The following PPP1R9A variants were observed in gnomAD, a reference collection of about 807,000 sequenced individuals.
PPP1R9A encodes neurabin-1.
Under a neutral mutation model 141.9 loss-of-function variants are expected in PPP1R9A, and 59 were observed. The ratio of observed to expected loss-of-function variants is 0.42; its 90% CI spans 0.34 to 0.52. The LOEUF is 0.52. PPP1R9A is among the 20% of genes least tolerant of loss of function. The pLI is 0.10. For missense variants in PPP1R9A, 1,444 were observed against 1,611.9 expected (o/e 0.90, Z 1.78); for synonymous variants, 500 against 569.7 (o/e 0.88, Z 1.74).
At chr7:94,944,454 C>T (rs541362156) in intron 2 of PPP1R9A, among the ~76,000 whole-genome samples, 2 of 139,824 alleles carry the variant, frequency 1.4e-5, no homozygotes, top group Non-Finnish European at 3.0e-5. Flanking sequence ...CACCCCCCCA[C>T]CCCCCGATTA....
intron 2 of PPP1R9A, among the ~76,000 whole-genome samples, chr7:95,073,624 GTTTTTTT>G (rs36077129): frequency 1.3e-3 from 139 of 105,552 alleles, no homozygotes; most frequent in South Asian, 3.4e-3. Flanking sequence ...AAAGAAATAA[GTTTTTTT>G]TTTTTTTTTT....
intron 7 of PPP1R9A, among the ~76,000 whole-genome samples, chr7:95,217,656 T>C (rs1018887970): frequency 5.3e-5 from 8 of 152,186 alleles, no homozygotes; most frequent in African/African-American, 1.9e-4. Context: ...GAGCCTGTTA[T>C]TGGTATATTC....
At chr7:94,975,367 T>G (rs397832787) in intron 2 of PPP1R9A, among the ~76,000 whole-genome samples, 1,862 of 48,788 alleles carry the variant, frequency 0.038, 23 homozygotes, top group African/African-American at 0.11. Flanking sequence ...TTTTTTTTTT[T>G]TTTTTTTTTT....
rs1324511700 is a variant in PPP1R9A, at chr7:95,295,498, C to T, written c.*5195C>T. On this transcript the variant is annotated 3_prime_UTR_variant, in exon 20 of 20. Transcript: ENST00000433360. ...GAATTTGCTCACAATTCTAAAATGA[C>T]ATAATTGGTGGCTGTGATGCTTACA... The T allele has an allele frequency of 1.3e-5, 2 of 152,230 alleles. No individual in the cohort carries two copies. Among genetic ancestry groups the T allele is most frequent in the East Asian group, 3.9e-4 (2 of 5,194 alleles). The allele number at this position is 152,230 out of a possible 1,614,324, so 9.4% of individuals were successfully genotyped here. A position where few individuals can be genotyped will look rare whatever the true frequency, so the allele number is the denominator to read the frequency against.
intron 2 of PPP1R9A, among the ~76,000 whole-genome samples, chr7:95,072,853 TAA>T (rs1814157255): frequency 1.1e-5 from 1 of 92,888 alleles, no homozygotes; most frequent in South Asian, 2.8e-4. Context: ...ATATATAATA[TAA>T]GTTATATAAT....
chr7:95,027,466 C>T (rs1390294859), intron 2 of PPP1R9A, among the ~76,000 whole-genome samples: 1 of 152,166 alleles, frequency 6.6e-6, no homozygotes, highest in Non-Finnish European at 1.5e-5. Flanking sequence ...GTTGGAAATG[C>T]AGAAATCACC....
At chr7:94,924,125 T>C (rs1793165330) in intron 2 of PPP1R9A, among the ~76,000 whole-genome samples, 1 of 152,220 alleles carries the variant, frequency 6.6e-6, no homozygotes, top group African/African-American at 2.4e-5. Flanking sequence ...ATGTAAAATT[T>C]TGACTCTTTT....
intron 2 of PPP1R9A, among the ~76,000 whole-genome samples, chr7:94,923,663 A>T (rs1378200046): frequency 6.6e-6 from 1 of 152,178 alleles, no homozygotes; most frequent in African/African-American, 2.4e-5. Flanking sequence ...GTTAGACTAT[A>T]TGGTAGTATG....
At chr7:95,167,855 C>T (rs1449305139) in intron 5 of PPP1R9A, among the ~76,000 whole-genome samples, 2 of 151,572 alleles carry the variant, frequency 1.3e-5, no homozygotes, top group Non-Finnish European at 2.9e-5. Flanking sequence ...AGATGAAAGA[C>T]CTTCACAAGG....
At chr7:95,111,533 T>G in intron 3 of PPP1R9A, 142 bp downstream of exon 3, 1 of 903,412 alleles carries the variant, frequency 1.1e-6, no homozygotes, top group East Asian at 2.7e-5. Flanking sequence ...GTTTCAAAAA[T>G]AGTTGATATG....
chr7:94,992,131 T>C (rs1476071508), intron 2 of PPP1R9A, among the ~76,000 whole-genome samples: 1 of 152,242 alleles, frequency 6.6e-6, no homozygotes, highest in Non-Finnish European at 1.5e-5. Flanking sequence ...AAGTTTTCTT[T>C]GAGTCCTTCT....
chr7:95,106,359 G>A (rs1222018229), intron 2 of PPP1R9A, among the ~76,000 whole-genome samples: 2 of 152,108 alleles, frequency 1.3e-5, no homozygotes, highest in Non-Finnish European at 2.9e-5. Context: ...GGAATTTAGG[G>A]GGCTTTAAAT....
At chr7:95,249,043 T>C (rs1798523044) in intron 9 of PPP1R9A, among the ~76,000 whole-genome samples, 1 of 152,132 alleles carries the variant, frequency 6.6e-6, no homozygotes, top group Non-Finnish European at 1.5e-5. Flanking sequence ...CAGAGAGTTA[T>C]TGGGAATGAC....
chr7:95,251,801 G>T lies in PPP1R9A; in HGVS notation c.2436G>T (p.Lys812Asn), dbSNP rs1798907084. Residue 812 changes from lysine (K) to asparagine (N), a missense_variant, in exon 11 of 20, where the codon AAG becomes AAT. Physicochemically the swap from Lys to Asn is moderately conservative, Grantham distance 94. Transcript: ENST00000433360. ...TCAAAAGACAGGAAGCAGAAAGAAA[G>T]AAAATAGAAGATTTGGAAAAAGCTC... The part of the protein sequence containing the change: ...DFIKRQEAER[K>N]KIEDLEKAHL... The T allele has an allele frequency of 6.2e-7, 1 of 1,613,792 alleles. No individual in the cohort carries two copies. Among genetic ancestry groups the T allele is most frequent in the South Asian group, 1.1e-5 (1 of 91,064 alleles).
At chr7:95,129,767 C>T (rs1045439746) in intron 4 of PPP1R9A, among the ~76,000 whole-genome samples, 1 of 152,124 alleles carries the variant, frequency 6.6e-6, no homozygotes, top group African/African-American at 2.4e-5. Flanking sequence ...GGAACTGGAG[C>T]AAAGGTGATT....
At chr7:94,942,349 T>A (rs1795417297) in intron 2 of PPP1R9A, among the ~76,000 whole-genome samples, 1 of 152,206 alleles carries the variant, frequency 6.6e-6, no homozygotes, top group Non-Finnish European at 1.5e-5. Context: ...TAGGAATAAG[T>A]CAACCCTATC....
chr7:95,059,445 A>G (rs1427892749), intron 2 of PPP1R9A, among the ~76,000 whole-genome samples: 2 of 152,178 alleles, frequency 1.3e-5, no homozygotes, highest in Admixed American at 1.3e-4. Context: ...GAGGCTAACC[A>G]TACAAGAGAA....
chr7:95,285,160 G>T (rs1805049502), intron 17 of PPP1R9A, among the ~76,000 whole-genome samples: 1 of 152,150 alleles, frequency 6.6e-6, no homozygotes, highest in Admixed American at 6.5e-5. Context: ...GAATTCTCCA[G>T]CCTCTGGCAT....
At chr7:94,917,479 T>G (rs1792229218) in intron 2 of PPP1R9A, among the ~76,000 whole-genome samples, 1 of 152,154 alleles carries the variant, frequency 6.6e-6, no homozygotes, top group South Asian at 2.1e-4. Context: ...CAGTCATGGC[T>G]CACTGCAGCC....
Sources: gnomAD v4.1 joint callset for allele counts (sites outside exome capture counted in the v4.1 genomes callset) on GRCh38, gnomAD v4.1.1 for gene constraint, MANE v1.5 for transcripts, NCBI Gene and HGNC (gene_info 2026-07-23, HGNC 2026-07-21) for gene names.